Variants in PRKACB observed in about 807,000 individuals in gnomAD.
PRKACB encodes the protein protein kinase cAMP-activated catalytic subunit beta, also known as cAMP-dependent protein kinase catalytic subunit beta.
Under a neutral mutation model 51.4 loss-of-function variants are expected in PRKACB, and 16 were observed. The observed-to-expected ratio is 0.31, with a 90% confidence interval of 0.21 to 0.47. The LOEUF (loss-of-function observed/expected upper bound fraction) is 0.47, where lower values mean the gene tolerates loss of function less well. Ranked by LOEUF, PRKACB falls within the 20% of genes least tolerant of loss-of-function variation. The probability of loss-of-function intolerance (pLI) is 1.00; values close to 1 mark genes in which losing one functional copy is unlikely to be tolerated. For synonymous variants in PRKACB, 147 were observed against 154.4 expected (o/e 0.95, Z 0.35); for missense variants, 309 against 464.5 (o/e 0.67, Z 3.08).
chr1:84,108,320 C>T (rs889380254), intron 1 of PRKACB, among the ~76,000 whole-genome samples: 3 of 151,370 alleles, frequency 2.0e-5, no homozygotes, highest in African/African-American at 7.3e-5. Context: ...CTAGGATATA[C>T]TTGAGGGTGG....
Position 84,079,357 on chromosome 1 carries a change from A to C in PRKACB, c.46+986A>C, listed in dbSNP as rs141230450. On this transcript the variant is annotated intron_variant, in intron 1 of 8. Transcript: ENST00000370688. The stretch of plus-strand genomic sequence containing the variant: ...CACTTAAAGTGGGCCTGGTGATTTT[A>C]GTTTGTGTAAATATTACTTGTAATG... Among the ~76,000 whole-genome samples, 7 of 152,296 alleles carry C rather than the reference A, an allele frequency of 4.6e-5. No homozygotes were observed. In the East Asian group the frequency reaches 1.2e-3, roughly 25 times the overall value.
chr1:84,168,381 C>G (rs951479444), intron 1 of PRKACB, among the ~76,000 whole-genome samples: 1 of 151,552 alleles, frequency 6.6e-6, no homozygotes, highest in African/African-American at 2.4e-5. Context: ...AGTTTATGTG[C>G]TCTCCTAGTT....
At chr1:84,207,942 G>A (rs537797219) in intron 8 of PRKACB, among the ~76,000 whole-genome samples, 17 of 152,064 alleles carry the variant, frequency 1.1e-4, no homozygotes, top group South Asian at 4.2e-4. Flanking sequence ...ATCTTGGCCC[G>A]CTGCAGCCTC....
chr1:84,128,469 T>G (rs1399004431), intron 1 of PRKACB, among the ~76,000 whole-genome samples: 1 of 152,196 alleles, frequency 6.6e-6, no homozygotes, highest in Non-Finnish European at 1.5e-5. Flanking sequence ...AGAATAGTTT[T>G]TAAAAATCTT....
intron 1 of PRKACB, among the ~76,000 whole-genome samples, chr1:84,102,814 C>T (rs1007512983): frequency 3.9e-5 from 6 of 152,162 alleles, no homozygotes; most frequent in African/African-American, 1.4e-4. Context: ...AGGAGAACTA[C>T]TCTCAGGACT....
chr1:84,153,993 T>C (rs1655148969), intron 1 of PRKACB, among the ~76,000 whole-genome samples: 1 of 152,160 alleles, frequency 6.6e-6, no homozygotes, highest in African/African-American at 2.4e-5. Context: ...ACCAACAGTG[T>C]GCAAGGGTTC....
intron 7 of PRKACB, among the ~76,000 whole-genome samples, chr1:84,201,586 G>GA (rs1306193591): frequency 2.6e-5 from 4 of 151,494 alleles, no homozygotes; most frequent in African/African-American, 9.7e-5. Flanking sequence ...ACAGTATCAG[G>GA]AAAAAAAAGA....
chr1:84,175,957 C>T, intron 1 of PRKACB: 2 of 590,380 alleles, frequency 3.4e-6, no homozygotes, highest in East Asian at 3.3e-5. Flanking sequence ...CAATTATTTA[C>T]CAGTAGAGAA....
chr1:84,195,713 G>A (rs1324118922), intron 5 of PRKACB, among the ~76,000 whole-genome samples: 1 of 152,020 alleles, frequency 6.6e-6, no homozygotes, highest in Non-Finnish European at 1.5e-5. Context: ...AGGTATTCGA[G>A]ACCAGCCTGG....
chr1:84,141,221 T>G (rs1197552130), upstream of PRKACB, among the ~76,000 whole-genome samples: 1 of 152,070 alleles, frequency 6.6e-6, no homozygotes, highest in Non-Finnish European at 1.5e-5. Context: ...TCTGGTAAAT[T>G]CTCGGTGCAT....
At chr1:84,205,334 A>C in intron 8 of PRKACB, 1 of 922,380 alleles carries the variant, frequency 1.1e-6, no homozygotes, top group Non-Finnish European at 1.3e-6. Flanking sequence ...CATTGCAAAA[A>C]TATTATTGTC....
intron 9 of PRKACB, among the ~76,000 whole-genome samples, chr1:84,232,537 G>A (rs1335589653): frequency 1.3e-5 from 2 of 152,114 alleles, no homozygotes; most frequent in Non-Finnish European, 2.9e-5. Flanking sequence ...TTATTAATGT[G>A]TGGGAGTCTA....
chr1:84,129,254 ATATATAT>A (rs1557984339), intron 1 of PRKACB, among the ~76,000 whole-genome samples: 1 of 152,068 alleles, frequency 6.6e-6, no homozygotes, highest in Admixed American at 6.6e-5. Context: ...ATACTTTGAG[ATATATAT>A]TACTATTATA....
At chr1:84,122,171 A>C (rs1382008004) in intron 1 of PRKACB, among the ~76,000 whole-genome samples, 2 of 152,150 alleles carry the variant, frequency 1.3e-5, no homozygotes, top group Non-Finnish European at 2.9e-5. Context: ...AGCACTCTTC[A>C]GCCTCTCCCT....
chr1:84,205,393 A>C (rs919124435), intron 8 of PRKACB: 1 of 461,568 alleles, frequency 2.2e-6, no homozygotes, highest in African/African-American at 2.1e-5. Context: ...TAGTTTTTTA[A>C]ATTTTTTAAA....
intron 1 of PRKACB, among the ~76,000 whole-genome samples, chr1:84,159,421 A>G (rs1655911315): frequency 1.3e-5 from 2 of 152,110 alleles, no homozygotes; most frequent in Admixed American, 1.3e-4. Context: ...TTGCTAGTAT[A>G]TACAAATGTT....
intron 1 of PRKACB, chr1:84,164,349 G>T: frequency 6.4e-7 from 1 of 1,552,018 alleles, no homozygotes; most frequent in East Asian, 2.4e-5. Flanking sequence ...AGCAGTAAGA[G>T]CTGGTGTAAT....
At chr1:84,171,715 G>A (rs1041382243) in intron 1 of PRKACB, among the ~76,000 whole-genome samples, 4 of 151,436 alleles carry the variant, frequency 2.6e-5, no homozygotes, top group African/African-American at 7.3e-5. Flanking sequence ...AGAAAAACGT[G>A]GAGAGAACCA....
At chr1:84,215,241 G>T (rs1454937521) in intron 9 of PRKACB, among the ~76,000 whole-genome samples, 2 of 152,156 alleles carry the variant, frequency 1.3e-5, no homozygotes, top group African/African-American at 2.4e-5. Context: ...ATTCACGTAA[G>T]ATTTTTTCCA....
Sources: allele counts gnomAD v4.1 joint callset (sites outside exome capture counted in the v4.1 genomes callset), GRCh38; gene constraint gnomAD v4.1.1; transcripts MANE v1.5; gene names NCBI Gene and HGNC (gene_info 2026-07-23, HGNC 2026-07-21).